The following MITF variants were observed in gnomAD, a reference collection of about 807,000 sequenced individuals.
MITF encodes the protein melanocyte inducing transcription factor.
A neutral mutation model predicts 60.5 loss-of-function variants in MITF; 17 were observed. That is an observed-to-expected ratio of 0.28 (90% CI 0.19 to 0.42). MITF has a LOEUF of 0.42. Among genes scored for constraint, MITF ranks in the 10% least tolerant of loss-of-function variants. The probability of loss-of-function intolerance (pLI) is 1.00; values close to 1 mark genes in which losing one functional copy is unlikely to be tolerated. For missense variants in MITF, 622 were observed against 683.5 expected, an observed-to-expected ratio of 0.91 and a Z score of 1.00; for synonymous variants, 260 against 248.5, an observed-to-expected ratio of 1.05 and a Z score of -0.43.
chr3:69,750,658 C>T (rs1269033079), intron 1 of MITF, among the ~76,000 whole-genome samples: 1 of 151,980 alleles, frequency 6.6e-6, no homozygotes, highest in Non-Finnish European at 1.5e-5. Context: ...CAGGGACACA[C>T]TCCCACAGTT....
intron 1 of MITF, among the ~76,000 whole-genome samples, chr3:69,747,867 G>A (rs773693471): frequency 3.2e-4 from 48 of 152,122 alleles, no homozygotes; most frequent in Non-Finnish European, 2.4e-4. Context: ...TTTGGGGCTG[G>A]ATTTTTAATT....
intron 2 of MITF, among the ~76,000 whole-genome samples, chr3:69,917,663 A>G (rs1367433787): frequency 6.6e-6 from 1 of 152,106 alleles, no homozygotes; most frequent in African/African-American, 2.4e-5. Context: ...ATCCTACAAC[A>G]TGTAAAGAGT....
At chr3:69,873,180 C>A (rs1382032113) in intron 1 of MITF, among the ~76,000 whole-genome samples, 1 of 152,160 alleles carries the variant, frequency 6.6e-6, no homozygotes, top group Non-Finnish European at 1.5e-5. Context: ...CTGGTACTTT[C>A]ACATTTACAT....
intron 1 of MITF, among the ~76,000 whole-genome samples, chr3:69,820,406 T>C (rs895621993): frequency 6.6e-6 from 1 of 152,194 alleles, no homozygotes; most frequent in Admixed American, 6.5e-5. Flanking sequence ...AACCTTGGAA[T>C]TTCTAAGTTA....
At chr3:69,898,391 T>C (rs1231065498) in intron 2 of MITF, among the ~76,000 whole-genome samples, 1 of 152,198 alleles carries the variant, frequency 6.6e-6, no homozygotes, top group African/African-American at 2.4e-5. Context: ...GCTGGAGAGA[T>C]AGGCATGGGG....
intron 2 of MITF, among the ~76,000 whole-genome samples, chr3:69,901,629 C>T (rs1407470203): frequency 6.6e-6 from 1 of 152,076 alleles, no homozygotes; most frequent in Non-Finnish European, 1.5e-5. Flanking sequence ...CCTATTAGAG[C>T]GAGAATAGTT....
chr3:69,782,484 T>C (rs2062581946), intron 1 of MITF, among the ~76,000 whole-genome samples: 1 of 152,226 alleles, frequency 6.6e-6, no homozygotes, highest in Non-Finnish European at 1.5e-5. Context: ...ATTTAATTGA[T>C]GAGAACACTG....
chr3:69,818,110 C>A (rs954996852), intron 1 of MITF, among the ~76,000 whole-genome samples: 19 of 152,130 alleles, frequency 1.2e-4, no homozygotes, highest in Admixed American at 6.5e-5. Flanking sequence ...GGACTTTTTC[C>A]TGGGCCAGTC....
At chr3:69,824,725 C>G (rs2063328239) in intron 1 of MITF, among the ~76,000 whole-genome samples, 1 of 152,198 alleles carries the variant, frequency 6.6e-6, no homozygotes, top group African/African-American at 2.4e-5. Flanking sequence ...TGCCTGGCCC[C>G]TGCAGTGCAT....
chr3:69,760,938 T>A (rs1203324875), intron 1 of MITF, among the ~76,000 whole-genome samples: 2 of 152,180 alleles, frequency 1.3e-5, no homozygotes, highest in Admixed American at 6.5e-5. Context: ...GGAATTCTTT[T>A]AGAAAGAAGG....
chr3:69,781,795 GCTGTT>G (rs1447047989), intron 1 of MITF, among the ~76,000 whole-genome samples: 1 of 152,194 alleles, frequency 6.6e-6, no homozygotes, highest in Non-Finnish European at 1.5e-5. Context: ...TGAGCTCCCT[GCTGTT>G]CAGGCTTTCT....
At chr3:69,828,495 C>T (rs563155102) in intron 1 of MITF, among the ~76,000 whole-genome samples, 50 of 151,966 alleles carry the variant, frequency 3.3e-4, no homozygotes, top group African/African-American at 1.1e-3. Context: ...CCTAAGTATA[C>T]GACATTTTAA....
At chr3:69,739,728 G>T (rs1159043919) in intron 1 of MITF, 27 bp downstream of exon 1, 1 of 1,516,924 alleles carries the variant, frequency 6.6e-7, no homozygotes, top group Non-Finnish European at 9.0e-7. Context: ...GGGCAGAGGC[G>T]CACCGGGCGG....
intron 1 of MITF, among the ~76,000 whole-genome samples, chr3:69,789,813 A>T (rs2062710329): frequency 6.6e-6 from 1 of 152,150 alleles, no homozygotes; most frequent in South Asian, 2.1e-4. Flanking sequence ...TGGAGATCGC[A>T]CCACTGCACT....
intron 1 of MITF, among the ~76,000 whole-genome samples, chr3:69,867,295 A>T (rs1250250773): frequency 3.3e-5 from 5 of 152,280 alleles, no homozygotes; most frequent in South Asian, 4.1e-4. Flanking sequence ...AAAATACTAG[A>T]TGTAGCAGAT....
chr3:69,740,624 ACT>A (rs1703496179), intron 1 of MITF, among the ~76,000 whole-genome samples: 1 of 151,944 alleles, frequency 6.6e-6, no homozygotes, highest in South Asian at 2.1e-4. Context: ...TCCGGCAGCC[ACT>A]CTGGACGCCT....
intron 1 of MITF, among the ~76,000 whole-genome samples, chr3:69,833,152 A>T (rs1287200542): frequency 1.3e-5 from 2 of 151,098 alleles, no homozygotes; most frequent in Non-Finnish European, 3.0e-5. Context: ...TTTCCTGTTC[A>T]CATTGTATGT....
In MITF at chr3:69,959,176, T is replaced by G; in HGVS notation, c.1032-97T>G. The G allele has an allele frequency of 3.5e-6, 5 of 1,441,014 alleles. No individual in the cohort carries two copies. In the South Asian group the frequency reaches 5.2e-5, roughly 15 times the overall value. The allele number at this position is 1,441,014 out of a possible 1,614,324, so 89.3% of individuals were successfully genotyped here. Reference sequence around the variant, plus strand: ...CAAAACTATTGAAATAAAAAAAAATTTTAAAAAGTTCAAAAAGAAATGGAG... The same window carrying G: ...CAAAACTATTGAAATAAAAAAAAATGTTAAAAAGTTCAAAAAGAAATGGAG... On this transcript the variant is annotated intron_variant, in intron 8 of 9. Transcript: ENST00000352241.
intron 8 of MITF, among the ~76,000 whole-genome samples, 166 bp from the exon 9 acceptor site, chr3:69,959,107 C>A (rs1463544666): frequency 6.6e-6 from 1 of 151,838 alleles, no homozygotes; most frequent in Non-Finnish European, 1.5e-5. Flanking sequence ...GCAAAAATCA[C>A]CACTAAAGAA....
Sources: gnomAD v4.1 joint callset for allele counts (sites outside exome capture counted in the v4.1 genomes callset) on GRCh38, gnomAD v4.1.1 for gene constraint, MANE v1.5 for transcripts, NCBI Gene and HGNC (gene_info 2026-07-23, HGNC 2026-07-21) for gene names.